The following LSAMP variants were observed in gnomAD, a reference collection of about 807,000 sequenced individuals.
LSAMP encodes the protein limbic system-associated membrane protein.
LSAMP carries 7 observed loss-of-function variants against 38.6 expected under a neutral mutation model. The observed-to-expected ratio is 0.18, with a 90% CI of 0.10 to 0.34. The LOEUF is 0.34. Ranked by LOEUF, LSAMP falls within the 10% of genes least tolerant of loss-of-function variation. The pLI is 1.00. For missense variants in LSAMP, 313 were observed against 420.0 expected, an observed-to-expected ratio of 0.75 and a Z score of 2.23; for synonymous variants, 154 against 166.8, an observed-to-expected ratio of 0.92 and a Z score of 0.59.
At chr3:116,173,263 C>T (rs1345015129) in intron 1 of LSAMP, among the ~76,000 whole-genome samples, 4 of 151,990 alleles carry the variant, frequency 2.6e-5, no homozygotes, top group African/African-American at 7.2e-5. Flanking sequence ...GCATGGGCCT[C>T]TTGTAACAAA....
At chr3:116,371,619 C>A (rs1210399741) in intron 1 of LSAMP, among the ~76,000 whole-genome samples, 1 of 152,050 alleles carries the variant, frequency 6.6e-6, no homozygotes. Context: ...CCTCTCAGAT[C>A]AAGAACAAGG....
intron 3 of LSAMP, among the ~76,000 whole-genome samples, chr3:115,920,261 C>T (rs1025775253): frequency 6.6e-6 from 1 of 152,172 alleles, no homozygotes. Context: ...TGAGGAACCT[C>T]TTTACTGGTT....
chr3:115,970,009 T>A (rs1938962130), intron 3 of LSAMP, among the ~76,000 whole-genome samples: 1 of 152,122 alleles, frequency 6.6e-6, no homozygotes, highest in Admixed American at 6.5e-5. Flanking sequence ...ATATAACTGA[T>A]TAATGACAAT....
intron 1 of LSAMP, among the ~76,000 whole-genome samples, chr3:116,354,885 G>A (rs1336386929): frequency 6.6e-6 from 1 of 150,834 alleles, no homozygotes; most frequent in African/African-American, 2.4e-5. Flanking sequence ...GTGTGCATGT[G>A]TGTTATATTT....
intron 3 of LSAMP, among the ~76,000 whole-genome samples, chr3:116,016,583 T>C (rs1246915385): frequency 1.3e-5 from 2 of 152,184 alleles, no homozygotes; most frequent in Admixed American, 1.3e-4. Flanking sequence ...CAGGAGTCTA[T>C]AAACTTCCCT....
chr3:116,048,796 G>A (rs1001882889), intron 2 of LSAMP, among the ~76,000 whole-genome samples: 3 of 152,184 alleles, frequency 2.0e-5, no homozygotes, highest in Non-Finnish European at 4.4e-5. Flanking sequence ...CACAGAGCTA[G>A]AGGTGTAGAC....
chr3:116,043,700 CT>C (rs1941224999), intron 2 of LSAMP, among the ~76,000 whole-genome samples: 2 of 152,202 alleles, frequency 1.3e-5, no homozygotes, highest in Admixed American at 1.3e-4. Flanking sequence ...AATCCCAGCA[CT>C]TTGGGAGGCC....
In LSAMP at chr3:116,176,749, T is replaced by C. The variant is rs563949473; in HGVS notation, c.156-90193A>G. On this transcript the variant is annotated intron_variant, in intron 1 of 6. Transcript: ENST00000490035. ...AAAAAATAAATCCTGGGTCATTTTT[T>C]GAGGGGAAGTGGTGTGATTATCATA... Among the ~76,000 whole-genome samples, 158 of 152,252 alleles carry C rather than the reference T, an allele frequency of 1.0e-3. 1 individual carries two copies. Among genetic ancestry groups the C allele is most frequent in the South Asian group, 4.6e-3 (22 of 4,834 alleles).
chr3:115,942,706 T>C (rs1937963605), intron 3 of LSAMP, among the ~76,000 whole-genome samples: 1 of 152,182 alleles, frequency 6.6e-6, no homozygotes, highest in African/African-American at 2.4e-5. Flanking sequence ...TTAGAGATTC[T>C]GATTCGGTAA....
intron 1 of LSAMP, among the ~76,000 whole-genome samples, chr3:116,335,562 A>C (rs1468975848): frequency 6.6e-6 from 1 of 152,122 alleles, no homozygotes; most frequent in Admixed American, 6.6e-5. Flanking sequence ...AAACTTTTGC[A>C]TATGCAGATG....
At chr3:116,288,577 G>A (rs1012064259) in intron 1 of LSAMP, among the ~76,000 whole-genome samples, 55 of 152,178 alleles carry the variant, frequency 3.6e-4, no homozygotes, top group African/African-American at 1.3e-3. Flanking sequence ...TTCCATTTAT[G>A]CTGTTCTCTC....
At chr3:115,982,051 A>G (rs1479779636) in intron 3 of LSAMP, among the ~76,000 whole-genome samples, 1 of 152,226 alleles carries the variant, frequency 6.6e-6, no homozygotes, top group East Asian at 1.9e-4. Flanking sequence ...ACATAATTTA[A>G]CATAAATGCC....
chr3:116,226,974 T>C (rs2046349750), intron 1 of LSAMP, among the ~76,000 whole-genome samples: 1 of 152,192 alleles, frequency 6.6e-6, no homozygotes, highest in Non-Finnish European at 1.5e-5. Flanking sequence ...CAACATTTTA[T>C]TCTGATTTTG....
At chr3:115,950,756 A>G (rs1466835212) in intron 3 of LSAMP, among the ~76,000 whole-genome samples, 2 of 146,898 alleles carry the variant, frequency 1.4e-5, no homozygotes, top group Non-Finnish European at 3.0e-5. Flanking sequence ...TAAAATTCAT[A>G]TGGAACCAAA....
intron 1 of LSAMP, among the ~76,000 whole-genome samples, chr3:116,141,512 T>TC (rs1243448692): frequency 1.1e-4 from 16 of 151,808 alleles, no homozygotes; most frequent in Admixed American, 1.1e-3. Flanking sequence ...TTCTACCTCC[T>TC]CCCCCAAATC....
chr3:116,391,160 T>A (rs1235946118), intron 1 of LSAMP, among the ~76,000 whole-genome samples: 1 of 152,248 alleles, frequency 6.6e-6, no homozygotes, highest in Non-Finnish European at 1.5e-5. Context: ...TTCCAGGGAA[T>A]GATTCCGGGG....
At chr3:116,248,527 G>A (rs1412660667) in intron 1 of LSAMP, among the ~76,000 whole-genome samples, 2 of 118,914 alleles carry the variant, frequency 1.7e-5, no homozygotes, top group Non-Finnish European at 3.8e-5. Flanking sequence ...GTGTGTGTGT[G>A]TGTGTGTATC....
chr3:116,397,562 G>C (rs1295119071), intron 1 of LSAMP, among the ~76,000 whole-genome samples: 1 of 152,052 alleles, frequency 6.6e-6, no homozygotes, highest in African/African-American at 2.4e-5. Flanking sequence ...TGAAATTTCT[G>C]TGTGTTTTGT....
At chr3:115,850,792 T>C (rs1935304795) in intron 4 of LSAMP, among the ~76,000 whole-genome samples, 1 of 152,210 alleles carries the variant, frequency 6.6e-6, no homozygotes, top group Non-Finnish European at 1.5e-5. Flanking sequence ...TTCAGAGGTC[T>C]GCAAGGCTGG....
Sources: allele counts gnomAD v4.1 joint callset (sites outside exome capture counted in the v4.1 genomes callset), GRCh38; gene constraint gnomAD v4.1.1; transcripts MANE v1.5; gene names NCBI Gene and HGNC (gene_info 2026-07-23, HGNC 2026-07-21).